Variants in CLOCK observed in about 807,000 individuals in gnomAD.
CLOCK encodes the protein circadian locomoter output cycles protein kaput.
Under a neutral mutation model 118.4 loss-of-function variants are expected in CLOCK, and 43 were observed. The ratio of observed to expected loss-of-function variants is 0.36; its 90% CI spans 0.28 to 0.47. The LOEUF (loss-of-function observed/expected upper bound fraction) is 0.47. Ranked by LOEUF, CLOCK falls within the 20% of genes least tolerant of loss-of-function variation. The probability of loss-of-function intolerance (pLI) is 1.00; values close to 1 mark genes in which losing one functional copy is unlikely to be tolerated. For missense variants in CLOCK, 846 were observed against 999.9 expected, an observed-to-expected ratio of 0.85 and a Z score of 2.08; for synonymous variants, 326 against 339.2, an observed-to-expected ratio of 0.96 and a Z score of 0.43.
At chr4:55,490,770 T>C (rs994999113) in intron 2 of CLOCK, among the ~76,000 whole-genome samples, 24 of 152,220 alleles carry the variant, frequency 1.6e-4, no homozygotes, top group African/African-American at 5.1e-4. Context: ...CTGAATATTT[T>C]TATCCACAGT....
Position 55,468,673 on chromosome 4 carries a change from A to C in CLOCK, c.438+2044T>G, listed in dbSNP as rs141677313. ...TTGCCCTAATTGCAACAAGTATCTC[A>C]GCAGAAATTTAGTTATTCTCAAGAC... On this transcript the variant is annotated intron_variant, in intron 8 of 22. Coordinates refer to ENST00000513440, the MANE Select transcript of CLOCK (RefSeq NM_004898.4). Among the ~76,000 whole-genome samples, 45 of 152,340 alleles carry C rather than the reference A, an allele frequency of 3.0e-4. No individual in the cohort carries two copies. The East Asian group carries it at 8.1e-3, about 27-fold the overall frequency.
At chr4:55,533,818 G>C (rs899587433) in intron 1 of CLOCK, among the ~76,000 whole-genome samples, 6 of 152,134 alleles carry the variant, frequency 3.9e-5, no homozygotes, top group Non-Finnish European at 8.8e-5. Context: ...CAGGAGAACA[G>C]CTTGAACCTG....
At chr4:55,509,794 A>C (rs1729025987) in intron 2 of CLOCK, 118 bp downstream of exon 2, 1 of 152,254 alleles carries the variant, frequency 6.6e-6, no homozygotes, top group Non-Finnish European at 1.5e-5. Context: ...AAAAGCTGCC[A>C]AGGAAAGTAG....
rs1723069029 is a variant in CLOCK, at chr4:55,438,429, A to G, written c.2214T>C (p.Tyr738=). 1 of 1,613,866 alleles carries G rather than the reference A, an allele frequency of 6.2e-7. No homozygotes were observed. Among genetic ancestry groups the G allele is most frequent in the African/African-American group, 1.3e-5 (1 of 75,000 alleles). ...TMLMGQVVTA[Y]PTFATQQQQS... ...GTTGCTGTTGTGTAGCAAAAGTAGG[A>G]TATGCAGTCACCACCTGGCCCATAA... The change falls in exon 22 of 23, where the codon TAT becomes TAC. Residue 738 remains tyrosine (Y), a synonymous_variant. Transcript: ENST00000513440.
chr4:55,522,208 G>T (rs1729887326), intron 1 of CLOCK, among the ~76,000 whole-genome samples: 2 of 151,982 alleles, frequency 1.3e-5, no homozygotes, highest in Admixed American at 1.3e-4. Context: ...CTATAGAGGA[G>T]AAAATAACTT....
chr4:55,429,906 A>G lies in CLOCK; in HGVS notation c.*5509T>C, dbSNP rs1347306644. The G allele has an allele frequency of 6.6e-6, 1 of 152,222 alleles. No homozygotes were observed. The highest frequency in any genetic ancestry group is 1.5e-5 in the Non-Finnish European group (1 of 68,044). 9.4% of individuals were successfully genotyped at this position (152,222 alleles called of 1,614,324 possible). ...CTCCACTGCCGTCCTGAAGTAAAGT[A>G]GATTCAGACTGTCCGTAAAGATTAT... is the stretch of plus-strand genomic sequence containing the variant. On this transcript the variant is annotated 3_prime_UTR_variant, in exon 23 of 23. Transcript: ENST00000513440.
intron 1 of CLOCK, among the ~76,000 whole-genome samples, chr4:55,532,541 T>TA (rs1577868145): frequency 2.0e-4 from 30 of 149,072 alleles, no homozygotes; most frequent in South Asian, 8.5e-4. Flanking sequence ...AAAGGAAAAT[T>TA]TAAAAAAAAA....
At chr4:55,480,129 A>C (rs151002061) in intron 4 of CLOCK, among the ~76,000 whole-genome samples, 162 of 152,376 alleles carry the variant, frequency 1.1e-3, no homozygotes, top group African/African-American at 3.7e-3. Context: ...AATGTAATGC[A>C]TTAACTTATA....
chr4:55,513,625 C>T (rs1209137071), intron 1 of CLOCK, among the ~76,000 whole-genome samples: 1 of 152,046 alleles, frequency 6.6e-6, no homozygotes, highest in Non-Finnish European at 1.5e-5. Context: ...TTTAAGTTGC[C>T]TATTCTGGGT....
chr4:55,531,886 T>A (rs1343037871), intron 1 of CLOCK, among the ~76,000 whole-genome samples: 1 of 145,634 alleles, frequency 6.9e-6, no homozygotes, highest in African/African-American at 2.5e-5. Context: ...TAATGAATAG[T>A]GATTTTTTAA....
At position 55,456,803 on chromosome 4, in the gene CLOCK, C is replaced by G. The variant is rs1448446151; in HGVS notation, c.793-503G>C. On this transcript the variant is annotated intron_variant, in intron 11 of 22. Coordinates refer to ENST00000513440, the MANE Select transcript of CLOCK (RefSeq NM_004898.4). Reference sequence around the variant, plus strand: ...AAGCGATCCTCCTGCCTCAGCTTCCCAAGTAGCTGGGACTATAGGGATGCA... The same window carrying G: ...AAGCGATCCTCCTGCCTCAGCTTCCGAAGTAGCTGGGACTATAGGGATGCA... Among the ~76,000 whole-genome samples the G allele has an allele frequency of 2.0e-5, 3 of 152,028 alleles. No individual in the cohort carries two copies. The East Asian group carries it at 5.8e-4, about 29-fold the overall frequency.
chr4:55,437,834 TATTA>T (rs1158299354), intron 22 of CLOCK, among the ~76,000 whole-genome samples: 1 of 152,196 alleles, frequency 6.6e-6, no homozygotes, highest in Non-Finnish European at 1.5e-5. Context: ...TCTCCTCTGA[TATTA>T]ATTTACAACT....
chr4:55,439,991 T>C (rs1428520020), intron 21 of CLOCK, among the ~76,000 whole-genome samples: 1 of 152,184 alleles, frequency 6.6e-6, no homozygotes, highest in Admixed American at 6.5e-5. Flanking sequence ...GTAACTTTTA[T>C]GTCATTTGTA....
chr4:55,440,317 C>T (rs1042068813), intron 21 of CLOCK, among the ~76,000 whole-genome samples: 5 of 152,154 alleles, frequency 3.3e-5, no homozygotes, highest in African/African-American at 1.2e-4. Flanking sequence ...ATTAATTTTT[C>T]CCTCTTTCCC....
intron 1 of CLOCK, among the ~76,000 whole-genome samples, chr4:55,545,206 G>A (rs1051807344): frequency 6.6e-6 from 1 of 152,058 alleles, no homozygotes; most frequent in Non-Finnish European, 1.5e-5. Context: ...TAATGCTACA[G>A]GCTAACCTTT....
intron 19 of CLOCK, among the ~76,000 whole-genome samples, chr4:55,444,227 T>TA (rs1460072727): frequency 6.6e-6 from 1 of 152,210 alleles, no homozygotes; most frequent in Non-Finnish European, 1.5e-5. Context: ...CATAGTCTCC[T>TA]AGAGTGGTCC....
chr4:55,507,529 C>G (rs1728890732), intron 2 of CLOCK, among the ~76,000 whole-genome samples: 1 of 152,072 alleles, frequency 6.6e-6, no homozygotes, highest in Non-Finnish European at 1.5e-5. Context: ...ACGAGAATCA[C>G]TTGAACCCAG....
intron 2 of CLOCK, among the ~76,000 whole-genome samples, chr4:55,496,188 CA>C (rs997581611): frequency 5.8e-5 from 8 of 139,022 alleles, no homozygotes; most frequent in Admixed American, 7.2e-5. Flanking sequence ...GAGGTCGTCT[CA>C]AAAAAAAAAG....
At chr4:55,493,537 T>C (rs1482747087) in intron 2 of CLOCK, among the ~76,000 whole-genome samples, 1 of 152,244 alleles carries the variant, frequency 6.6e-6, no homozygotes, top group Non-Finnish European at 1.5e-5. Flanking sequence ...GATTTTGTAT[T>C]ATAACTGAAA....
Sources: allele counts gnomAD v4.1 joint callset (sites outside exome capture counted in the v4.1 genomes callset), GRCh38; gene constraint gnomAD v4.1.1; transcripts MANE v1.5; gene names NCBI Gene and HGNC (gene_info 2026-07-23, HGNC 2026-07-21).